The following RIMS2 variants were observed in gnomAD, a reference collection of about 807,000 sequenced individuals.
The protein encoded by RIMS2 is regulating synaptic membrane exocytosis 2, also known as regulating synaptic membrane exocytosis protein 2.
Under a neutral mutation model 174.4 loss-of-function variants are expected in RIMS2, and 59 were observed. The observed-to-expected ratio is 0.34, with a 90% confidence interval of 0.27 to 0.42. The LOEUF (loss-of-function observed/expected upper bound fraction) is 0.42. RIMS2 is among the 10% of genes least tolerant of loss of function. The pLI is 1.00. For synonymous variants in RIMS2, 606 were observed against 572.5 expected (o/e 1.06, Z -0.84); for missense variants, 1,620 against 1,666.3 (o/e 0.97, Z 0.48).
intron 14 of RIMS2, among the ~76,000 whole-genome samples, chr8:103,959,874 A>G (rs1160115845): frequency 2.0e-5 from 3 of 152,218 alleles, no homozygotes; most frequent in Admixed American, 2.0e-4. Context: ...GGAAATTTAT[A>G]GCACTAAATG....
chr8:103,708,503 C>T (rs58631312), intron 2 of RIMS2, among the ~76,000 whole-genome samples: 18,902 of 152,146 alleles, frequency 0.12, 1,274 homozygotes, highest in Middle Eastern at 0.22. Context: ...TTTTAATTTT[C>T]ATGAAGGTGC....
At chr8:104,049,130 A>G (rs1016320878) in intron 19 of RIMS2, among the ~76,000 whole-genome samples, 3 of 151,572 alleles carry the variant, frequency 2.0e-5, no homozygotes, top group Non-Finnish European at 4.4e-5. Flanking sequence ...TTTCTTTAAA[A>G]AAAAAAAAAA....
intron 19 of RIMS2, among the ~76,000 whole-genome samples, chr8:104,106,961 C>T (rs1194491692): frequency 6.6e-6 from 1 of 151,858 alleles, no homozygotes; most frequent in African/African-American, 2.4e-5. Context: ...TATAGTATGA[C>T]TTTATTTTCA....
At chr8:104,081,372 AATATG>A (rs1209647080) in intron 19 of RIMS2, among the ~76,000 whole-genome samples, 8 of 152,044 alleles carry the variant, frequency 5.3e-5, no homozygotes, top group Admixed American at 2.0e-4. Flanking sequence ...CAAGTTAGTT[AATATG>A]ATATTATTGT....
chr8:103,746,978 G>C (rs923682143), intron 2 of RIMS2, among the ~76,000 whole-genome samples: 8 of 151,994 alleles, frequency 5.3e-5, no homozygotes, highest in African/African-American at 1.9e-4. Flanking sequence ...TTTTTAGTGA[G>C]AACATGTGGT....
At chr8:103,708,827 C>T (rs2097265732) in intron 2 of RIMS2, among the ~76,000 whole-genome samples, 1 of 151,966 alleles carries the variant, frequency 6.6e-6, no homozygotes, top group Admixed American at 6.6e-5. Flanking sequence ...TGTTGAGGGC[C>T]TGGGGGAATT....
chr8:103,753,178 A>G (rs960769629), intron 2 of RIMS2, among the ~76,000 whole-genome samples: 4 of 152,152 alleles, frequency 2.6e-5, no homozygotes, highest in African/African-American at 7.2e-5. Context: ...CCTTTTCTGC[A>G]TCTATTGAGA....
intron 3 of RIMS2, among the ~76,000 whole-genome samples, chr8:103,874,719 CTG>C (rs1481357151): frequency 6.6e-6 from 1 of 152,050 alleles, no homozygotes; most frequent in Non-Finnish European, 1.5e-5. Context: ...AAAATTCTAA[CTG>C]TGTTGTCTAA....
chr8:103,809,042 C>T (rs1351888055), intron 3 of RIMS2, among the ~76,000 whole-genome samples: 1 of 152,296 alleles, frequency 6.6e-6, no homozygotes, highest in Admixed American at 6.5e-5. Flanking sequence ...ATCAGAATCT[C>T]AACAGTTTTC....
chr8:103,903,738 C>G (rs975023526), intron 4 of RIMS2, among the ~76,000 whole-genome samples: 2 of 152,082 alleles, frequency 1.3e-5, no homozygotes, highest in South Asian at 4.1e-4. Context: ...AGCATTGACC[C>G]TTCTCTACAT....
chr8:103,786,839 T>C (rs1158511499), intron 3 of RIMS2, among the ~76,000 whole-genome samples: 1 of 152,168 alleles, frequency 6.6e-6, no homozygotes, highest in Non-Finnish European at 1.5e-5. Context: ...TGACTTTCTG[T>C]TTCGTTGATC....
chr8:103,563,588 TCTC>T (rs2091933339), intron 1 of RIMS2, among the ~76,000 whole-genome samples: 1 of 152,144 alleles, frequency 6.6e-6, no homozygotes, highest in Non-Finnish European at 1.5e-5. Flanking sequence ...TTTTCTTTCT[TCTC>T]CTGAGCCCTC....
Position 104,020,114 on chromosome 8 carries a change from A to G in RIMS2, c.3334+5499A>G, listed in dbSNP as rs77442722. ...TTATTTGGTTTTTTTTACTTTTCCT[A>G]TGAGATAGGAAGTATATACTTTTCT... On this transcript the variant is annotated intron_variant, in intron 19 of 23. Transcript: ENST00000504942. Among the ~76,000 whole-genome samples, 1,181 of 152,072 alleles carry G rather than the reference A, an allele frequency of 7.8e-3. 15 individuals are homozygous for G. The highest frequency in any genetic ancestry group is 0.027 in the African/African-American group (1,114 of 41,516).
At chr8:103,740,311 A>T (rs2097747410) in intron 2 of RIMS2, among the ~76,000 whole-genome samples, 2 of 152,202 alleles carry the variant, frequency 1.3e-5, no homozygotes, top group South Asian at 4.1e-4. Context: ...ATTAGTGAGT[A>T]TTACTGCATA....
chr8:103,718,671 TG>T (rs1430951732), intron 2 of RIMS2, among the ~76,000 whole-genome samples: 27 of 151,066 alleles, frequency 1.8e-4, no homozygotes, highest in African/African-American at 6.6e-4. Context: ...TTTTTTTTTG[TG>T]GGGGTGGGGA....
At chr8:104,151,539 G>T (rs1600066921) in intron 19 of RIMS2, among the ~76,000 whole-genome samples, 1 of 151,880 alleles carries the variant, frequency 6.6e-6, no homozygotes, top group Admixed American at 6.6e-5. Context: ...CTGCCCTCCA[G>T]CCTGGGTGAC....
chr8:104,099,015 G>A (rs2097815472), intron 19 of RIMS2, among the ~76,000 whole-genome samples: 1 of 152,082 alleles, frequency 6.6e-6, no homozygotes, highest in South Asian at 2.1e-4. Context: ...ACAGAGGAAT[G>A]GATTTTTCAA....
intron 1 of RIMS2, among the ~76,000 whole-genome samples, chr8:103,623,940 A>T (rs963627901): frequency 7.2e-5 from 11 of 152,094 alleles, no homozygotes; most frequent in African/African-American, 2.7e-4. Context: ...CAGTGTCTTA[A>T]GAGAAAAGAA....
chr8:103,697,700 C>G (rs1245100276), intron 2 of RIMS2, among the ~76,000 whole-genome samples: 1 of 152,072 alleles, frequency 6.6e-6, no homozygotes. Context: ...TGCACTCCAG[C>G]CTGGGTGACA....
Sources: allele counts gnomAD v4.1 joint callset (sites outside exome capture counted in the v4.1 genomes callset), GRCh38; gene constraint gnomAD v4.1.1; transcripts MANE v1.5; gene names NCBI Gene and HGNC (gene_info 2026-07-23, HGNC 2026-07-21).